GGA2: variants seen among roughly 807,000 people sequenced by gnomAD.
The protein encoded by GGA2 is golgi associated, gamma adaptin ear containing, ARF binding protein 2, also known as ADP-ribosylation factor-binding protein GGA2.
A neutral mutation model predicts 79.5 loss-of-function variants in GGA2; 48 were observed. The ratio of observed to expected loss-of-function variants is 0.60; its 90% confidence interval spans 0.48 to 0.77. The LOEUF (loss-of-function observed/expected upper bound fraction) is 0.77. Among genes scored for constraint, GGA2 ranks in the 30% least tolerant of loss-of-function variants. The pLI, the probability that GGA2 is intolerant of heterozygous loss-of-function variation, is 0.00. For missense variants in GGA2, 770 were observed against 774.0 expected, an observed-to-expected ratio of 0.99 and a Z score of 0.06; for synonymous variants, 317 against 302.0, an observed-to-expected ratio of 1.05 and a Z score of -0.51.
At chr16:23,512,184 G>T (rs1965074526), upstream of GGA2, among the ~76,000 whole-genome samples, 1 of 152,228 alleles carries the variant, frequency 6.6e-6, no homozygotes, top group African/African-American at 2.4e-5. Context: ...TTACGGGGTG[G>T]TCTAGTGGCA....
intron 2 of GGA2, among the ~76,000 whole-genome samples, chr16:23,516,232 G>A (rs546135705): frequency 6.6e-5 from 10 of 151,612 alleles, no homozygotes; most frequent in Non-Finnish European, 1.3e-4. Context: ...GACTGGTCTC[G>A]AACTCCTGGG....
intron 6 of GGA2, among the ~76,000 whole-genome samples, chr16:23,487,038 G>C (rs1253628037): frequency 1.3e-5 from 2 of 148,158 alleles, no homozygotes; most frequent in Non-Finnish European, 3.0e-5. Context: ...CTGGAGTGCA[G>C]TGGCGCAATC....
At chr16:23,497,246 G>C (rs575856598) in intron 1 of GGA2, among the ~76,000 whole-genome samples, 1 of 152,056 alleles carries the variant, frequency 6.6e-6, no homozygotes, top group Non-Finnish European at 1.5e-5. Context: ...GTTGCTTCTC[G>C]GGGCAGTACT....
intron 1 of GGA2, among the ~76,000 whole-genome samples, chr16:23,507,877 G>C (rs1052934658): frequency 2.0e-5 from 3 of 151,760 alleles, no homozygotes; most frequent in Non-Finnish European, 4.4e-5. Flanking sequence ...AAAAATGCTT[G>C]AGCCCAGGAG....
intron 1 of GGA2, chr16:23,521,674 T>C: frequency 2.2e-6 from 1 of 454,070 alleles, no homozygotes; most frequent in Non-Finnish European, 4.4e-6. Context: ...CATTAGGACG[T>C]ATTTGTCCTT....
intron 1 of GGA2, 38 bp from the exon 2 acceptor site, chr16:23,495,816 G>A (rs1281075859): frequency 7.1e-7 from 1 of 1,408,328 alleles, no homozygotes; most frequent in Admixed American, 1.8e-5. Flanking sequence ...GTACATAATA[G>A]GAAGAAATTT....
intron 4 of GGA2, among the ~76,000 whole-genome samples, chr16:23,492,880 G>T (rs1179251610): frequency 6.6e-6 from 1 of 152,180 alleles, no homozygotes; most frequent in African/African-American, 2.4e-5. Flanking sequence ...ATGCAACTCA[G>T]GGGAGTGTCA....
intron 1 of GGA2, among the ~76,000 whole-genome samples, chr16:23,510,049 G>T (rs1232031224): frequency 6.7e-6 from 1 of 149,778 alleles, no homozygotes; most frequent in Non-Finnish European, 1.5e-5. Context: ...TAGCCATTGG[G>T]GTGGGGGTCG....
At chr16:23,477,415 G>A (rs562975444) in intron 13 of GGA2, among the ~76,000 whole-genome samples, 6 of 151,866 alleles carry the variant, frequency 4.0e-5, no homozygotes, top group South Asian at 2.1e-4. Flanking sequence ...ACCCTTTTTC[G>A]TTTGGCTCTC....
intron 3 of GGA2, chr16:23,493,745 G>C (rs1964819801): frequency 2.7e-6 from 1 of 376,230 alleles, no homozygotes; most frequent in Non-Finnish European, 4.9e-6. Context: ...TTTGAGAGGA[G>C]AAAGTGGCTA....
At chr16:23,500,579 C>CGT (rs1192521737) in intron 1 of GGA2, among the ~76,000 whole-genome samples, 2 of 151,642 alleles carry the variant, frequency 1.3e-5, no homozygotes, top group East Asian at 3.9e-4. Context: ...TATGAGGCAG[C>CGT]GTCAAGCAAA....
chr16:23,475,879 G>A (rs1420790912), intron 13 of GGA2, among the ~76,000 whole-genome samples: 2 of 151,416 alleles, frequency 1.3e-5, no homozygotes, highest in African/African-American at 2.4e-5. Context: ...GTGGTGAGCC[G>A]AGATCACACT....
chr16:23,485,313 A>G (rs1964698041), intron 8 of GGA2, among the ~76,000 whole-genome samples: 1 of 152,192 alleles, frequency 6.6e-6, no homozygotes, highest in Non-Finnish European at 1.5e-5. Flanking sequence ...ATAACTAGGT[A>G]GGTGTGATGG....
chr16:23,482,955 G>A lies in GGA2; in HGVS notation c.848C>T (p.Ala283Val), dbSNP rs144247430. ...ATCATCGTCATCAGTGGTGTCACTC[G>A]CCAACCGGAACAGCGTGGGCCGCAG... ...EKLRPTLFRL[A>V]SDTTDDDDAL... is the part of the protein sequence containing the mutation. Residue 283 changes from alanine to valine, a missense_variant, in exon 9 of 17, where the codon GCG becomes GTG. Ala to Val is a moderately conservative substitution (Grantham distance 64, BLOSUM62 0). Coordinates refer to ENST00000309859, the MANE Select transcript of GGA2 (RefSeq NM_015044.4). 2.9e-5 allele frequency: 47 copies of A among 1,611,422 alleles called. No individual in the cohort carries two copies. Among genetic ancestry groups the A allele is most frequent in the African/African-American group, 1.1e-4 (8 of 74,814 alleles).
In GGA2 at chr16:23,467,484, G is replaced by A. The variant is rs1567356577; in HGVS notation, c.*106C>T. The A allele has an allele frequency of 3.0e-6, 2 of 668,800 alleles. No homozygotes were observed. Among genetic ancestry groups the A allele is most frequent in the Admixed American group, 4.2e-5 (2 of 47,742 alleles). 41.4% of individuals were successfully genotyped at this position (668,800 alleles called of 1,614,324 possible). On this transcript the variant is annotated 3_prime_UTR_variant, in exon 17 of 17. Transcript: ENST00000309859. Reference sequence around the variant, plus strand: ...GTTGACACCCAGAGCCTGACGTCAGGATAGGACTCTTGGCACTCCGCACTG... The same window carrying A: ...GTTGACACCCAGAGCCTGACGTCAGAATAGGACTCTTGGCACTCCGCACTG...
chr16:23,496,226 T>A (rs1305311265), intron 1 of GGA2, among the ~76,000 whole-genome samples: 1 of 148,460 alleles, frequency 6.7e-6, no homozygotes, highest in South Asian at 2.1e-4. Context: ...TCGCTTGAAC[T>A]TGGGAGGTGG....
intron 14 of GGA2, among the ~76,000 whole-genome samples, chr16:23,471,222 T>TCA (rs1964507142): frequency 6.6e-6 from 1 of 151,846 alleles, no homozygotes; most frequent in African/African-American, 2.4e-5. Flanking sequence ...ACACATATGC[T>TCA]CACACACACA....
chr16:23,488,866 T>C (rs1256122541), intron 5 of GGA2, among the ~76,000 whole-genome samples, 157 bp from the exon 6 acceptor site: 1 of 152,098 alleles, frequency 6.6e-6, no homozygotes, highest in Admixed American at 6.5e-5. Flanking sequence ...TGAACGAAGT[T>C]TTGCATCATC....
Position 23,486,694 on chromosome 16 carries a change from C to T in GGA2, c.660+16G>A. The T allele has an allele frequency of 6.7e-7, 1 of 1,483,932 alleles. No homozygotes were observed. Among genetic ancestry groups the T allele is most frequent in the Non-Finnish European group, 9.4e-7 (1 of 1,060,894 alleles). 91.9% of individuals were successfully genotyped at this position (1,483,932 alleles called of 1,614,324 possible). A position where few individuals can be genotyped will look rare whatever the true frequency, so the allele number is the denominator to read the frequency against. On this transcript the variant is annotated intron_variant, in intron 7 of 16. Transcript: ENST00000309859. ...TCAAATGCTACTTCTACTGAACCAA[C>T]TGGAAGAATGCCCACCTCCTTGACC...
Sources: allele counts gnomAD v4.1 joint callset (sites outside exome capture counted in the v4.1 genomes callset), GRCh38; gene constraint gnomAD v4.1.1; transcripts MANE v1.5; gene names NCBI Gene and HGNC (gene_info 2026-07-23, HGNC 2026-07-21).